The following MSRA variants were observed in gnomAD, a reference collection of about 807,000 sequenced individuals.
The protein encoded by MSRA is mitochondrial peptide methionine sulfoxide reductase.
MSRA carries 54 observed loss-of-function variants against 31.3 expected under a neutral mutation model. The ratio of observed to expected loss-of-function variants is 1.73; its 90% confidence interval spans 1.39 to 2.17. The LOEUF (loss-of-function observed/expected upper bound fraction) is 2.17, where lower values mean the gene tolerates loss of function less well. Ranked by LOEUF, MSRA falls within the 30% of genes most tolerant of loss-of-function variation. MSRA has a pLI of 0.00. For missense variants in MSRA, 507 were observed against 300.9 expected, an observed-to-expected ratio of 1.69 and a Z score of -5.07; for synonymous variants, 169 against 116.5, an observed-to-expected ratio of 1.45 and a Z score of -2.90.
At chr8:10,221,494 GCTCAGAGACATTGA>G (rs1810497805) in intron 2 of MSRA, among the ~76,000 whole-genome samples, 1 of 151,574 alleles carries the variant, frequency 6.6e-6, no homozygotes, top group Non-Finnish European at 1.5e-5. Context: ...GAAAACTAAG[GCTCAGAGACATTGA>G]CTTCCCCAGG....
intron 3 of MSRA, among the ~76,000 whole-genome samples, chr8:10,255,591 G>A (rs1412114900): frequency 6.6e-6 from 1 of 152,092 alleles, no homozygotes; most frequent in Non-Finnish European, 1.5e-5. Flanking sequence ...AAAAGCCATA[G>A]GTACCTGAAC....
chr8:10,133,598 C>T (rs1035962263), intron 1 of MSRA, among the ~76,000 whole-genome samples: 1 of 152,182 alleles, frequency 6.6e-6, no homozygotes, highest in Non-Finnish European at 1.5e-5. Flanking sequence ...CTGTCCAGAC[C>T]TGAGTTTTAG....
intron 1 of MSRA, among the ~76,000 whole-genome samples, chr8:10,159,269 G>C (rs1277111436): frequency 6.6e-6 from 1 of 152,256 alleles, no homozygotes; most frequent in Non-Finnish European, 1.5e-5. Context: ...TCCATTGACA[G>C]AGGGGACAGA....
intron 1 of MSRA, among the ~76,000 whole-genome samples, chr8:10,073,810 T>C (rs558376775): frequency 1.3e-5 from 2 of 152,252 alleles, no homozygotes; most frequent in East Asian, 3.9e-4. Context: ...TGATAACTTC[T>C]ATTAATTCTG....
At chr8:10,362,455 C>G (rs1458227511) in intron 5 of MSRA, among the ~76,000 whole-genome samples, 2 of 103,852 alleles carry the variant, frequency 1.9e-5, no homozygotes, top group African/African-American at 7.1e-5. Flanking sequence ...AAAGTCATAC[C>G]ATAAGCAAAA....
intron 5 of MSRA, among the ~76,000 whole-genome samples, chr8:10,331,856 T>A (rs1470970770): frequency 3.3e-5 from 5 of 152,264 alleles, no homozygotes; most frequent in African/African-American, 1.2e-4. Context: ...TGCTGTATTC[T>A]TAAAATTTGT....
At chr8:10,253,647 T>G (rs1798029016) in intron 3 of MSRA, among the ~76,000 whole-genome samples, 1 of 152,202 alleles carries the variant, frequency 6.6e-6, no homozygotes, top group Admixed American at 6.5e-5. Flanking sequence ...CAAGCAGTTT[T>G]TAAAACATAA....
chr8:10,229,577 A>G (rs1291061409), intron 2 of MSRA, among the ~76,000 whole-genome samples: 2 of 152,130 alleles, frequency 1.3e-5, no homozygotes, highest in Non-Finnish European at 2.9e-5. Flanking sequence ...GCATGTGGGG[A>G]GGGCAGAGGT....
chr8:10,061,827 G>T (rs1005729590), intron 1 of MSRA, among the ~76,000 whole-genome samples: 4 of 152,038 alleles, frequency 2.6e-5, no homozygotes, highest in African/African-American at 9.7e-5. Flanking sequence ...TTATTTTTGT[G>T]ACTTTGGCCA....
intron 1 of MSRA, among the ~76,000 whole-genome samples, chr8:10,156,887 T>C (rs1585052504): frequency 6.6e-6 from 1 of 150,702 alleles, no homozygotes; most frequent in South Asian, 2.2e-4. Flanking sequence ...AAATAGACTT[T>C]CCATGGTAAG....
intron 1 of MSRA, among the ~76,000 whole-genome samples, chr8:10,203,902 G>C (rs1222759730): frequency 1.3e-5 from 2 of 152,184 alleles, no homozygotes; most frequent in Non-Finnish European, 2.9e-5. Context: ...TTCTGATCAT[G>C]CTTAGGCTTA....
chr8:10,415,542 C>A (rs868045948), intron 5 of MSRA, among the ~76,000 whole-genome samples: 2 of 152,042 alleles, frequency 1.3e-5, no homozygotes, highest in East Asian at 3.9e-4. Context: ...GAGACGAGTA[C>A]GCAGAAATAG....
chr8:10,123,165 T>G (rs953748502), intron 1 of MSRA, among the ~76,000 whole-genome samples: 1 of 152,364 alleles, frequency 6.6e-6, no homozygotes, highest in Non-Finnish European at 1.5e-5. Context: ...TGTTTTCTTC[T>G]CTTCACAATC....
chr8:10,055,966 G>A (rs1585053792), intron 1 of MSRA, among the ~76,000 whole-genome samples: 1 of 151,996 alleles, frequency 6.6e-6, no homozygotes. Context: ...CAGAGATTGA[G>A]TTTTGAAACA....
At chr8:10,145,984 G>A (rs1255885113) in intron 1 of MSRA, among the ~76,000 whole-genome samples, 1 of 152,204 alleles carries the variant, frequency 6.6e-6, no homozygotes, top group Non-Finnish European at 1.5e-5. Context: ...TAACAGTGGA[G>A]AAAATTTGTA....
intron 5 of MSRA, among the ~76,000 whole-genome samples, chr8:10,329,702 C>G (rs1319462705): frequency 6.6e-6 from 1 of 152,048 alleles, no homozygotes; most frequent in African/African-American, 2.4e-5. Flanking sequence ...GGGGGCTCTT[C>G]CTCGGGCTGC....
intron 2 of MSRA, among the ~76,000 whole-genome samples, chr8:10,224,001 G>A (rs1461595708): frequency 6.6e-6 from 1 of 152,132 alleles, no homozygotes; most frequent in Non-Finnish European, 1.5e-5. Flanking sequence ...CTAGTTCTGG[G>A]TCCATGGCAA....
At chr8:10,185,192 T>C (rs1331200151) in intron 1 of MSRA, among the ~76,000 whole-genome samples, 1 of 151,762 alleles carries the variant, frequency 6.6e-6, no homozygotes, top group East Asian at 1.9e-4. Flanking sequence ...CTGTGGACAA[T>C]TGGTGACTGA....
intron 5 of MSRA, among the ~76,000 whole-genome samples, chr8:10,328,946 G>C (rs1398779767): frequency 6.6e-6 from 1 of 152,116 alleles, no homozygotes; most frequent in African/African-American, 2.4e-5. Context: ...TGGACATGCT[G>C]CCTGGTTGAG....
Sources: allele counts gnomAD v4.1 joint callset (sites outside exome capture counted in the v4.1 genomes callset), GRCh38; gene constraint gnomAD v4.1.1; transcripts MANE v1.5; gene names NCBI Gene and HGNC (gene_info 2026-07-23, HGNC 2026-07-21).